The following PNO1 variants were observed in gnomAD, a reference collection of about 807,000 sequenced individuals.
PNO1 encodes the protein partner of NOB1 homolog.
Under a neutral mutation model 28.4 loss-of-function variants are expected in PNO1, and 16 were observed. The observed-to-expected ratio is 0.56, with a 90% CI of 0.38 to 0.85. PNO1 has a LOEUF of 0.85. Among genes scored for constraint, PNO1 ranks in the 40% least tolerant of loss-of-function variants. The pLI, the probability that PNO1 is intolerant of heterozygous loss-of-function variation, is 0.00. For synonymous variants in PNO1, 115 were observed against 110.8 expected (o/e 1.04, Z -0.24); for missense variants, 304 against 312.2 (o/e 0.97, Z 0.20).
intron 5 of PNO1, among the ~76,000 whole-genome samples, chr2:68,171,182 T>C (rs895695062): frequency 1.3e-5 from 2 of 152,238 alleles, no homozygotes; most frequent in Non-Finnish European, 2.9e-5. Flanking sequence ...CTTATGTGTC[T>C]ATGTCCTTTC....
intron 6 of PNO1, among the ~76,000 whole-genome samples, chr2:68,174,277 T>C (rs1013502207): frequency 4.9e-5 from 7 of 143,206 alleles, no homozygotes; most frequent in Non-Finnish European, 9.0e-5. Flanking sequence ...TTGGGTATTA[T>C]TTCTGTTAAG....
chr2:68,162,121 A>T (rs1673846223), intron 3 of PNO1, 144 bp from the exon 4 acceptor site: 1 of 613,286 alleles, frequency 1.6e-6, no homozygotes, highest in African/African-American at 2.0e-5. Flanking sequence ...CCTGGGCGAC[A>T]GCGTAAGACT....
chr2:68,161,477 C>A, intron 2 of PNO1: 1 of 548,006 alleles, frequency 1.8e-6, no homozygotes, highest in Non-Finnish European at 3.3e-6. Context: ...GGTGGAACAG[C>A]CAAGCTTTGG....
Position 68,165,066 on chromosome 2 carries a change from T to C in PNO1, c.620+2403T>C, listed in dbSNP as rs533563858. ...GGCTGAGTAGCCCTGAAAGCTTTCA[T>C]GAATTTAGAAATCCATGGCCCGGCA... is the stretch of plus-strand genomic sequence containing the variant. On this transcript the variant is annotated intron_variant, in intron 5 of 6. Transcript: ENST00000263657. Among the ~76,000 whole-genome samples the C allele has an allele frequency of 1.5e-3, 234 of 152,146 alleles. 2 individuals carry two copies. The highest frequency in any genetic ancestry group is 1.8e-3 in the Non-Finnish European group (122 of 67,980).
In PNO1 at chr2:68,175,373, C is replaced by T. The variant is rs1278668928; in HGVS notation, c.*571C>T. On this transcript the variant is annotated 3_prime_UTR_variant, in exon 7 of 7. Transcript: ENST00000263657. ...CTCCTGAGTTCAAGTGATCCTCCTG[C>T]TTCAGCCTCCCTAGTAGCTGGGACT... 2.0e-5 allele frequency: 3 copies of T among 152,432 alleles called. No homozygotes were observed. Among genetic ancestry groups the T allele is most frequent in the Admixed American group, 1.3e-4 (2 of 15,270 alleles). 9.4% of individuals were successfully genotyped at this position (152,432 alleles called of 1,614,324 possible).
At chr2:68,163,423 C>T (rs1470810752) in intron 5 of PNO1, among the ~76,000 whole-genome samples, 2 of 151,930 alleles carry the variant, frequency 1.3e-5, no homozygotes, top group Non-Finnish European at 2.9e-5. Context: ...CCCACCTACT[C>T]GGGAGGCTGA....
chr2:68,165,218 G>T (rs575662980), intron 5 of PNO1, among the ~76,000 whole-genome samples: 2 of 151,580 alleles, frequency 1.3e-5, no homozygotes, highest in African/African-American at 4.9e-5. Flanking sequence ...CAAAAAATTA[G>T]CCGGGCGTAG....
At chr2:68,162,755 G>A in intron 5 of PNO1, 92 bp downstream of exon 5, 2 of 830,402 alleles carry the variant, frequency 2.4e-6, no homozygotes, top group Admixed American at 3.7e-5. Flanking sequence ...TATGCATAAT[G>A]TTGCTGCTAA....
At chr2:68,172,299 A>AG (rs1674151718) in intron 5 of PNO1, among the ~76,000 whole-genome samples, 1 of 152,164 alleles carries the variant, frequency 6.6e-6, no homozygotes. Flanking sequence ...GGGAGGCAAG[A>AG]GGGAGAGCAT....
intron 5 of PNO1, among the ~76,000 whole-genome samples, chr2:68,164,403 A>G (rs981106352): frequency 2.0e-5 from 3 of 152,136 alleles, no homozygotes; most frequent in Admixed American, 6.5e-5. Context: ...AAGTGGGAGG[A>G]TCACCTGAGC....
rs761012506 is a variant in PNO1, at chr2:68,161,651, G to A, written c.358-32G>A. The A allele has an allele frequency of 1.6e-5, 21 of 1,287,090 alleles. No individual in the cohort carries two copies. The Admixed American group carries it at 1.9e-4, about 12-fold the overall frequency. 79.7% of individuals were successfully genotyped at this position (1,287,090 alleles called of 1,614,324 possible). On this transcript the variant is annotated intron_variant, in intron 2 of 6. Transcript: ENST00000263657. ...GGACATTTTCTGTTTGATTCTCAAC[G>A]GTATTTTGTACCCTTTTTTGTTTTT...
At chr2:68,164,184 A>G (rs1253267060) in intron 5 of PNO1, among the ~76,000 whole-genome samples, 3 of 152,168 alleles carry the variant, frequency 2.0e-5, no homozygotes, top group Non-Finnish European at 4.4e-5. Flanking sequence ...GAAATGTGCA[A>G]ATGCACACCA....
chr2:68,172,158 G>A (rs1360211087), intron 5 of PNO1, among the ~76,000 whole-genome samples: 1 of 152,172 alleles, frequency 6.6e-6, no homozygotes, highest in African/African-American at 2.4e-5. Flanking sequence ...ATGGTGATGG[G>A]GAATAGCAAG....
At chr2:68,162,705 T>C (rs779690686) in intron 5 of PNO1, 42 bp downstream of exon 5, 5 of 1,212,966 alleles carry the variant, frequency 4.1e-6, no homozygotes, top group Non-Finnish European at 6.1e-6. Context: ...ATAATTTATA[T>C]TTGATCTTTT....
chr2:68,158,418 T>TA lies in PNO1; in HGVS notation c.248dup (p.Asn83LysfsTer28). The TA allele has an allele frequency of 6.2e-7, 1 of 1,612,866 alleles. No individual in the cohort carries two copies. Among genetic ancestry groups the TA allele is most frequent in the Admixed American group, 1.7e-5 (1 of 59,664 alleles). The stretch of plus-strand genomic sequence containing the variant: ...AAACAAGGAAAATTCCAGTCCCAGC[T>TA]AACAGATACACACCATTGAAAGAAA... On this transcript the variant is annotated frameshift_variant, in exon 2 of 7. Coordinates refer to ENST00000263657, the MANE Select transcript of PNO1 (RefSeq NM_020143.4). LOFTEE classifies it high-confidence loss of function.
At chr2:68,163,104 A>G (rs7582466) in intron 5 of PNO1, among the ~76,000 whole-genome samples, 31,608 of 152,206 alleles carry the variant, frequency 0.21, 3,565 homozygotes, top group Non-Finnish European at 0.25. Context: ...AATCATCTGT[A>G]TACTTTTGGG....
At chr2:68,173,576 AT>A (rs34874863) in intron 6 of PNO1, among the ~76,000 whole-genome samples, 159 bp downstream of exon 6, 24,939 of 111,076 alleles carry the variant, frequency 0.22, 2,436 homozygotes, top group African/African-American at 0.3. Flanking sequence ...AGGAAGTAGA[AT>A]TTTTTTTTTT....
intron 5 of PNO1, among the ~76,000 whole-genome samples, chr2:68,169,981 G>C (rs1674085301): frequency 6.6e-6 from 1 of 152,162 alleles, no homozygotes. Context: ...GTGGCTATGA[G>C]AATAATGTTG....
chr2:68,167,824 G>T lies in PNO1; in HGVS notation c.620+5161G>T, dbSNP rs570334344. ...CATTATCGAAGCATCCTTTGCTGGC[G>T]TTAAGTTCTCCAGCTTTAGATCCTT... is the stretch of plus-strand genomic sequence containing the variant. On this transcript the variant is annotated intron_variant, in intron 5 of 6. Coordinates refer to ENST00000263657, the MANE Select transcript of PNO1 (RefSeq NM_020143.4). Among the ~76,000 whole-genome samples the T allele has an allele frequency of 2.6e-5, 4 of 152,280 alleles. No individual in the cohort carries two copies. In the East Asian group the frequency reaches 7.7e-4, roughly 29 times the overall value.
Sources: allele counts gnomAD v4.1 joint callset (sites outside exome capture counted in the v4.1 genomes callset), GRCh38; gene constraint gnomAD v4.1.1; transcripts MANE v1.5; gene names NCBI Gene and HGNC (gene_info 2026-07-23, HGNC 2026-07-21).